PIK3C2G: variants seen among roughly 807,000 people sequenced by gnomAD.
PIK3C2G encodes the protein phosphatidylinositol 3-kinase C2 domain-containing subunit gamma.
In PIK3C2G, 168 loss-of-function variants were observed where a neutral mutation model predicts 181.1. That is an observed-to-expected ratio of 0.93 (90% CI 0.82 to 1.05). The LOEUF is 1.05. Among genes scored for constraint, PIK3C2G ranks in the 50% least tolerant of loss-of-function variants. The probability of loss-of-function intolerance (pLI) is 0.00; values close to 1 mark genes in which losing one functional copy is unlikely to be tolerated. For synonymous variants in PIK3C2G, 573 were observed against 592.2 expected (o/e 0.97, Z 0.47); for missense variants, 1,869 against 1,732.8 (o/e 1.08, Z -1.40).
chr12:18,607,866 A>G (rs947651815), intron 30 of PIK3C2G, among the ~76,000 whole-genome samples: 1 of 152,184 alleles, frequency 6.6e-6, no homozygotes, highest in Admixed American at 6.5e-5. Flanking sequence ...AAAAACAGAC[A>G]ACCCCATCAA....
chr12:18,434,308 A>C (rs1946327350), intron 18 of PIK3C2G, among the ~76,000 whole-genome samples: 1 of 152,162 alleles, frequency 6.6e-6, no homozygotes, highest in Non-Finnish European at 1.5e-5. Flanking sequence ...TACTGTTGCA[A>C]TGGGGATTAA....
intron 6 of PIK3C2G, among the ~76,000 whole-genome samples, chr12:18,320,410 A>T (rs2137456505): frequency 6.6e-6 from 1 of 152,338 alleles, no homozygotes; most frequent in Admixed American, 6.5e-5. Context: ...TTATGTAGGA[A>T]GAAAACAAAA....
upstream of PIK3C2G, among the ~76,000 whole-genome samples, chr12:18,243,236 C>A (rs1948003922): frequency 1.3e-5 from 2 of 149,838 alleles, no homozygotes. Flanking sequence ...ATTTTAATTT[C>A]AATGATAATT....
chr12:18,644,695 G>C (rs528177299), intron 32 of PIK3C2G, among the ~76,000 whole-genome samples: 1 of 152,082 alleles, frequency 6.6e-6, no homozygotes, highest in Non-Finnish European at 1.5e-5. Context: ...ATGTGACCCA[G>C]AGGTTACACA....
At chr12:18,675,364 T>C in the PIK3C2G span, among the ~76,000 whole-genome samples, 3 of 152,088 alleles carry the variant, frequency 2.0e-5, no homozygotes, top group Admixed American at 6.6e-5. Flanking sequence ...ATTGAGACTA[T>C]ACCAACAGAT....
chr12:18,283,158 T>G (rs1949296967), intron 2 of PIK3C2G, among the ~76,000 whole-genome samples: 1 of 152,154 alleles, frequency 6.6e-6, no homozygotes, highest in South Asian at 2.1e-4. Flanking sequence ...TTGTAATGAT[T>G]TGAAACTTTA....
intron 1 of PIK3C2G, among the ~76,000 whole-genome samples, chr12:18,254,426 A>G (rs1948123730): frequency 6.6e-6 from 1 of 152,064 alleles, no homozygotes; most frequent in African/African-American, 2.4e-5. Context: ...TATTCAATAG[A>G]TGACTTGTTT....
At chr12:18,399,951 A>C (rs572362101) in intron 16 of PIK3C2G, 104 bp downstream of exon 16, 20 of 583,034 alleles carry the variant, frequency 3.4e-5, no homozygotes, top group African/African-American at 3.0e-4. Context: ...GTTTGTTCTC[A>C]ATTTTGATAG....
chr12:18,305,547 A>G (rs1950384235), intron 5 of PIK3C2G, among the ~76,000 whole-genome samples: 1 of 152,156 alleles, frequency 6.6e-6, no homozygotes, highest in Non-Finnish European at 1.5e-5. Flanking sequence ...TTTCAAAGCT[A>G]AGAATTATTA....
At chr12:18,704,237 T>G in the PIK3C2G span, among the ~76,000 whole-genome samples, 2 of 152,166 alleles carry the variant, frequency 1.3e-5, no homozygotes, top group African/African-American at 4.8e-5. Context: ...ATGGGAACTT[T>G]CCTGTGAAGC....
intron 18 of PIK3C2G, among the ~76,000 whole-genome samples, chr12:18,450,272 A>G (rs1325516658): frequency 1.3e-5 from 2 of 152,092 alleles, no homozygotes; most frequent in African/African-American, 4.8e-5. Flanking sequence ...GATTACAGGC[A>G]TGTGCCACCA....
intron 18 of PIK3C2G, among the ~76,000 whole-genome samples, chr12:18,440,310 G>A (rs1440894524): frequency 2.6e-5 from 4 of 152,008 alleles, no homozygotes; most frequent in Non-Finnish European, 5.9e-5. Flanking sequence ...AAGCCACATT[G>A]TAGTCTTCAG....
At chr12:18,614,308 C>T (rs977677550) in intron 31 of PIK3C2G, among the ~76,000 whole-genome samples, 4 of 152,006 alleles carry the variant, frequency 2.6e-5, no homozygotes, top group African/African-American at 9.7e-5. Flanking sequence ...TGTTTCATGA[C>T]TTTTTTTGCC....
At chr12:18,599,681 TAAA>T (rs761516293) in intron 30 of PIK3C2G, among the ~76,000 whole-genome samples, 4 of 99,274 alleles carry the variant, frequency 4.0e-5, no homozygotes, top group African/African-American at 1.5e-4. Context: ...TAAATATAAA[TAAA>T]AAAAAATAAA....
chr12:18,638,721 T>C (rs1052411581), intron 31 of PIK3C2G, among the ~76,000 whole-genome samples: 2 of 152,096 alleles, frequency 1.3e-5, no homozygotes, highest in African/African-American at 4.8e-5. Flanking sequence ...CCAGCCATAA[T>C]GACACACAAA....
In PIK3C2G at chr12:18,282,590, G is replaced by T; in HGVS notation, c.509G>T (p.Gly170Val). 1 of 1,612,962 alleles carries T rather than the reference G, an allele frequency of 6.2e-7. No homozygotes were observed. Among genetic ancestry groups the T allele is most frequent in the Non-Finnish European group, 8.5e-7 (1 of 1,179,192 alleles). Residue 170 changes from glycine (G) to valine (V), a missense_variant, in exon 2 of 33, where the codon GGA becomes GTA. Transcript: ENST00000538779. ...AATGAAAATCATAACTACCATATAG[G>T]ATTTGAAAGTAGCATTCCTCCAACA... ...LENENHNYHI[G>V]FESSIPPTNS...
At chr12:18,667,127 A>C in the PIK3C2G span, among the ~76,000 whole-genome samples, 4 of 152,222 alleles carry the variant, frequency 2.6e-5, no homozygotes, top group African/African-American at 4.8e-5. Context: ...AAGGCATTTC[A>C]GTATATTGAA....
chr12:18,706,224 T>G, the PIK3C2G span, among the ~76,000 whole-genome samples: 1 of 150,366 alleles, frequency 6.7e-6, no homozygotes. Flanking sequence ...GGAATGAGAC[T>G]CTGTCTCAAA....
intron 30 of PIK3C2G, among the ~76,000 whole-genome samples, chr12:18,596,934 G>T (rs1389150137): frequency 1.3e-5 from 2 of 152,040 alleles, no homozygotes; most frequent in East Asian, 1.9e-4. Context: ...GTGTTAAGTT[G>T]TTTCTGAAAC....
Sources: allele counts gnomAD v4.1 joint callset (sites outside exome capture counted in the v4.1 genomes callset), GRCh38; gene constraint gnomAD v4.1.1; transcripts MANE v1.5; gene names NCBI Gene and HGNC (gene_info 2026-07-23, HGNC 2026-07-21).